ADGRB3: variants seen among roughly 807,000 people sequenced by gnomAD.
The protein encoded by ADGRB3 is brain-specific angiogenesis inhibitor 3.
Under a neutral mutation model 193.4 loss-of-function variants are expected in ADGRB3, and 37 were observed. The observed-to-expected ratio is 0.19, with a 90% CI of 0.15 to 0.25. The LOEUF is 0.25. Ranked by LOEUF, ADGRB3 falls within the 10% of genes least tolerant of loss-of-function variation. ADGRB3 has a pLI of 1.00. For synonymous variants in ADGRB3, 690 were observed against 644.2 expected (o/e 1.07, Z -1.08); for missense variants, 1,637 against 1,852.9 (o/e 0.88, Z 2.14).
At chr6:69,081,090 G>A (rs184001938) in intron 17 of ADGRB3, among the ~76,000 whole-genome samples, 25 of 152,102 alleles carry the variant, frequency 1.6e-4, no homozygotes, top group African/African-American at 4.3e-4. Flanking sequence ...AGGTATATTC[G>A]TAGTCAGTAT....
At chr6:68,764,816 T>A (rs982127507) in intron 3 of ADGRB3, among the ~76,000 whole-genome samples, 1 of 152,246 alleles carries the variant, frequency 6.6e-6, no homozygotes. Flanking sequence ...TGTTTCAACA[T>A]GGTGCGTGGC....
chr6:68,975,827 T>A (rs1293023702), intron 10 of ADGRB3, among the ~76,000 whole-genome samples: 1 of 152,198 alleles, frequency 6.6e-6, no homozygotes, highest in Non-Finnish European at 1.5e-5. Flanking sequence ...AGAAACTTAA[T>A]TACTCCCAAA....
intron 3 of ADGRB3, among the ~76,000 whole-genome samples, chr6:68,868,409 C>T (rs570543999): frequency 7.8e-4 from 119 of 152,238 alleles, no homozygotes; most frequent in Non-Finnish European, 1.0e-3. Flanking sequence ...TTTCTTTATA[C>T]ATTACCCAAT....
intron 20 of ADGRB3, among the ~76,000 whole-genome samples, chr6:69,277,839 A>G (rs1169358127): frequency 6.6e-6 from 1 of 152,188 alleles, no homozygotes; most frequent in Admixed American, 6.5e-5. Flanking sequence ...CTGTAAAATG[A>G]TAATAGTACC....
At chr6:68,687,819 G>A (rs1765010130) in intron 3 of ADGRB3, among the ~76,000 whole-genome samples, 1 of 152,162 alleles carries the variant, frequency 6.6e-6, no homozygotes, top group South Asian at 2.1e-4. Flanking sequence ...GAATGAAAAT[G>A]TACTTTAATA....
At chr6:69,163,219 A>G (rs901821743) in intron 17 of ADGRB3, among the ~76,000 whole-genome samples, 1 of 152,104 alleles carries the variant, frequency 6.6e-6, no homozygotes, top group African/African-American at 2.4e-5. Flanking sequence ...CAGGTCATCC[A>G]TTCCCCAGAC....
chr6:68,779,754 CA>C (rs1766819117), intron 3 of ADGRB3, among the ~76,000 whole-genome samples: 1 of 152,058 alleles, frequency 6.6e-6, no homozygotes, highest in African/African-American at 2.4e-5. Context: ...AGCATTTATT[CA>C]TGCTACAGAT....
chr6:69,337,790 C>T (rs980709289), intron 24 of ADGRB3, among the ~76,000 whole-genome samples: 45 of 152,090 alleles, frequency 3.0e-4, no homozygotes, highest in African/African-American at 9.4e-4. Context: ...AAGTGAGTAC[C>T]CTTATTTAAA....
chr6:68,972,460 C>G (rs1272740653), intron 8 of ADGRB3, among the ~76,000 whole-genome samples: 1 of 152,144 alleles, frequency 6.6e-6, no homozygotes, highest in East Asian at 1.9e-4. Context: ...GACTCCTCCC[C>G]ATCCAACCTC....
intron 17 of ADGRB3, among the ~76,000 whole-genome samples, chr6:69,148,763 CTT>C (rs983482730): frequency 6.6e-6 from 1 of 152,006 alleles, no homozygotes; most frequent in Admixed American, 6.6e-5. Flanking sequence ...CTGGGAAAGT[CTT>C]TATTTCTTCT....
chr6:69,055,702 G>A (rs1030470417), intron 15 of ADGRB3, among the ~76,000 whole-genome samples: 11 of 152,010 alleles, frequency 7.2e-5, no homozygotes, highest in South Asian at 2.1e-4. Flanking sequence ...ACTGCCTACC[G>A]TATTCCAAAG....
intron 3 of ADGRB3, among the ~76,000 whole-genome samples, chr6:68,861,169 T>C (rs1188301673): frequency 2.0e-5 from 3 of 152,178 alleles, no homozygotes; most frequent in Non-Finnish European, 4.4e-5. Context: ...AACCCTATTA[T>C]CCTCAGTTTG....
At chr6:69,159,237 A>G (rs1774925209) in intron 17 of ADGRB3, among the ~76,000 whole-genome samples, 2 of 152,044 alleles carry the variant, frequency 1.3e-5, no homozygotes, top group South Asian at 4.1e-4. Context: ...CTCCTAAAAA[A>G]TGTCTTTCAT....
At chr6:68,929,705 C>A (rs960289248) in intron 3 of ADGRB3, among the ~76,000 whole-genome samples, 1 of 152,080 alleles carries the variant, frequency 6.6e-6, no homozygotes, top group Admixed American at 6.6e-5. Context: ...TTTTCAGTCA[C>A]AGTTCAATAA....
At chr6:69,106,164 TAAAAAAAA>T (rs61114782) in intron 17 of ADGRB3, among the ~76,000 whole-genome samples, 2 of 91,088 alleles carry the variant, frequency 2.2e-5, no homozygotes, top group East Asian at 5.0e-4. Flanking sequence ...GAGACTGCGT[TAAAAAAAA>T]AAAAAAAAAA....
chr6:68,920,176 A>G (rs191077612), intron 3 of ADGRB3, among the ~76,000 whole-genome samples: 21 of 152,294 alleles, frequency 1.4e-4, no homozygotes, highest in Admixed American at 1.3e-3. Flanking sequence ...AAAAACACGA[A>G]TATCTAGACA....
chr6:69,254,842 T>A (rs1766716756), intron 20 of ADGRB3, among the ~76,000 whole-genome samples: 1 of 145,396 alleles, frequency 6.9e-6, no homozygotes, highest in Non-Finnish European at 1.5e-5. Flanking sequence ...TATCTCCCAA[T>A]GCTATCCCTC....
intron 16 of ADGRB3, among the ~76,000 whole-genome samples, chr6:69,075,680 C>A (rs1287647410): frequency 6.6e-6 from 1 of 152,030 alleles, no homozygotes; most frequent in African/African-American, 2.4e-5. Flanking sequence ...GTTTTAGAGA[C>A]ATAAGTATAA....
At chr6:69,223,153 A>G (rs776429544) in intron 17 of ADGRB3, among the ~76,000 whole-genome samples, 41 of 152,170 alleles carry the variant, frequency 2.7e-4, no homozygotes, top group Non-Finnish European at 3.8e-4. Flanking sequence ...TCAAAATTAT[A>G]AGAATATCGT....
Sources: gnomAD v4.1 joint callset for allele counts (sites outside exome capture counted in the v4.1 genomes callset) on GRCh38, gnomAD v4.1.1 for gene constraint, MANE v1.5 for transcripts, NCBI Gene and HGNC (gene_info 2026-07-23, HGNC 2026-07-21) for gene names.